Variants in ADAT1 observed in about 807,000 individuals in gnomAD.
The protein encoded by ADAT1 is adenosine deaminase tRNA specific 1.
Under a neutral mutation model 58.6 loss-of-function variants are expected in ADAT1, and 58 were observed. That is an observed-to-expected ratio of 0.99 (90% CI 0.80 to 1.23). The LOEUF (loss-of-function observed/expected upper bound fraction) is 1.23, where lower values mean the gene tolerates loss of function less well. Among genes scored for constraint, ADAT1 ranks in the 50% most tolerant of loss-of-function variants. ADAT1 has a pLI of 0.00. For missense variants in ADAT1, 741 were observed against 608.6 expected, an observed-to-expected ratio of 1.22 and a Z score of -2.29; for synonymous variants, 254 against 220.8, an observed-to-expected ratio of 1.15 and a Z score of -1.33.
At chr16:75,609,116 C>T in intron 6 of ADAT1, 128 bp from the exon 7 acceptor site, 5 of 1,097,500 alleles carry the variant, frequency 4.6e-6, no homozygotes, top group African/African-American at 1.6e-5. Context: ...TTTGGGCAGA[C>T]AGTGTTTCAG....
chr16:75,608,732 G>A, intron 7 of ADAT1, 111 bp downstream of exon 7: 1 of 1,340,266 alleles, frequency 7.5e-7, no homozygotes, highest in Non-Finnish European at 1.0e-6. Context: ...CACACTACCG[G>A]CCACTAGAGT....
At chr16:75,618,127 G>C (rs1047194789) in intron 4 of ADAT1, among the ~76,000 whole-genome samples, 9 of 128,370 alleles carry the variant, frequency 7.0e-5, no homozygotes, top group Non-Finnish European at 1.3e-4. Context: ...AAAAAAAAGA[G>C]AGAACCACTA....
At chr16:75,602,395 T>A (rs1013707557) in intron 9 of ADAT1, among the ~76,000 whole-genome samples, 11 of 152,232 alleles carry the variant, frequency 7.2e-5, no homozygotes. Flanking sequence ...AGTACTGATC[T>A]GTAGCCTTCA....
At position 75,623,059 on chromosome 16, in the gene ADAT1, G is replaced by C. The variant is rs2081981052; in HGVS notation, c.-678C>G. 1 of 126,878 alleles carries C rather than the reference G, an allele frequency of 7.9e-6. No individual in the cohort carries two copies. The highest frequency in any genetic ancestry group is 1.6e-5 in the Non-Finnish European group (1 of 64,012). The allele number at this position is 126,878 out of a possible 1,614,324, so 7.9% of individuals were successfully genotyped here. A position where few individuals can be genotyped will look rare whatever the true frequency, so the allele number is the denominator to read the frequency against. On this transcript the variant is annotated 5_prime_UTR_variant, in exon 1 of 10. Coordinates refer to ENST00000564657, the MANE Select transcript of ADAT1 (RefSeq NM_001324445.2). Reference sequence around the variant, plus strand: ...GCGGCTGCCAGGCCAGAGGCCCCGCGCCAGGAGCTCTTCAGGCGCCGGCTG... The same window carrying C: ...GCGGCTGCCAGGCCAGAGGCCCCGCCCCAGGAGCTCTTCAGGCGCCGGCTG...
chr16:75,621,590 C>T (rs967517774), intron 1 of ADAT1, among the ~76,000 whole-genome samples: 17 of 152,184 alleles, frequency 1.1e-4, no homozygotes, highest in African/African-American at 4.1e-4. Flanking sequence ...AAAGCAATTG[C>T]TACTATGTTG....
chr16:75,618,717 AGTC>A, intron 3 of ADAT1, 77 bp from the exon 4 acceptor site: 1 of 1,545,586 alleles, frequency 6.5e-7, no homozygotes, highest in Non-Finnish European at 8.8e-7. Flanking sequence ...AGAACACAGC[AGTC>A]CCACCAGCAC....
intron 6 of ADAT1, among the ~76,000 whole-genome samples, chr16:75,609,414 G>C (rs1413600486): frequency 2.0e-5 from 3 of 151,948 alleles, no homozygotes; most frequent in African/African-American, 4.8e-5. Flanking sequence ...ACATGATGCT[G>C]GTCTAGAATG....
At chr16:75,609,280 A>T (rs778517825) in intron 6 of ADAT1, among the ~76,000 whole-genome samples, 3 of 152,262 alleles carry the variant, frequency 2.0e-5, no homozygotes, top group South Asian at 4.1e-4. Flanking sequence ...AAGTTTAAGC[A>T]GAAACATTAA....
chr16:75,608,542 T>C, intron 7 of ADAT1: 1 of 581,228 alleles, frequency 1.7e-6, no homozygotes, highest in Non-Finnish European at 3.0e-6. Flanking sequence ...TGAGCATTTA[T>C]TATTTGCTGG....
chr16:75,623,011 G>T lies in ADAT1; in HGVS notation c.-630C>A, dbSNP rs1027141005. The T allele has an allele frequency of 3.3e-5, 5 of 152,146 alleles. No individual in the cohort carries two copies. The highest frequency in any genetic ancestry group is 2.6e-4 in the Admixed American group (4 of 15,278). 9.4% of individuals were successfully genotyped at this position (152,146 alleles called of 1,614,324 possible). A position where few individuals can be genotyped will look rare whatever the true frequency, so the allele number is the denominator to read the frequency against. ...TGAAGCCATGCAGTGAGAACAGCGT[G>T]AGCGCCTGATCCATTGGGTCCTGCG... On this transcript the variant is annotated 5_prime_UTR_variant, in exon 1 of 10. Transcript: ENST00000564657.
chr16:75,617,062 G>A, intron 5 of ADAT1, 80 bp downstream of exon 5: 2 of 1,508,128 alleles, frequency 1.3e-6, no homozygotes, highest in Non-Finnish European at 1.8e-6. Context: ...GTGCTTTTTA[G>A]GAAAAAACCT....
intron 5 of ADAT1, among the ~76,000 whole-genome samples, chr16:75,616,006 T>C (rs549521751): frequency 1.5e-4 from 22 of 146,158 alleles, no homozygotes; most frequent in Non-Finnish European, 2.0e-4. Flanking sequence ...TTCTCTCTCT[T>C]TTTTTTTTTT....
At position 75,620,786 on chromosome 16, in the gene ADAT1, T is replaced by A. The variant is rs764934035; in HGVS notation, c.14A>T (p.Asp5Val). 1 of 1,612,918 alleles carries A rather than the reference T, an allele frequency of 6.2e-7. No individual in the cohort carries two copies. Residue 5 changes from aspartate to valine, a missense_variant, in exon 2 of 10, where the codon GAT becomes GTT. By Grantham distance (152) the Asp-to-Val change is radical. Coordinates refer to ENST00000564657, the MANE Select transcript of ADAT1 (RefSeq NM_001324445.2). ...TTCATAGCATAGCTGAGCAATCTCA[T>A]CCGCGGTCCACATGGTCTGAGCTGG... is the stretch of plus-strand genomic sequence containing the variant. MWTA[D>V]EIAQLCYEHY...
intron 3 of ADAT1, 145 bp downstream of exon 3, chr16:75,620,121 A>T: frequency 1.4e-6 from 1 of 739,370 alleles, no homozygotes; most frequent in Non-Finnish European, 2.3e-6. Flanking sequence ...CCAAGTGAGT[A>T]CGGTCCTTCC....
Position 75,597,328 on chromosome 16 carries a change from G to A in ADAT1, c.*2888C>T. 2.2e-6 allele frequency: 1 copy of A among 445,318 alleles called. No individual in the cohort carries two copies. The highest frequency in any genetic ancestry group is 4.5e-6 in the Non-Finnish European group (1 of 222,324). 27.6% of individuals were successfully genotyped at this position (445,318 alleles called of 1,614,324 possible). A position where few individuals can be genotyped will look rare whatever the true frequency, so the allele number is the denominator to read the frequency against. The stretch of plus-strand genomic sequence containing the variant: ...ACACAGACACAGAAGGCCATGTGAA[G>A]ACGGAGGGAGAAACTGAAGTGATGC... On this transcript the variant is annotated 3_prime_UTR_variant, in exon 10 of 10. Coordinates refer to ENST00000564657, the MANE Select transcript of ADAT1 (RefSeq NM_001324445.2).
At chr16:75,604,186 T>C (rs1049710571) in intron 8 of ADAT1, among the ~76,000 whole-genome samples, 1 of 151,778 alleles carries the variant, frequency 6.6e-6, no homozygotes, top group African/African-American at 2.4e-5. Context: ...CCCAGCACTT[T>C]GGGAGGCTGA....
intron 9 of ADAT1, among the ~76,000 whole-genome samples, chr16:75,601,589 CCTA>C (rs2081232377): frequency 6.6e-6 from 1 of 150,790 alleles, no homozygotes; most frequent in South Asian, 2.1e-4. Flanking sequence ...AAACCCCGTC[CCTA>C]CTAACTATAC....
chr16:75,608,756 C>T, intron 7 of ADAT1, 87 bp downstream of exon 7: 1 of 1,511,488 alleles, frequency 6.6e-7, no homozygotes, highest in Non-Finnish European at 8.9e-7. Flanking sequence ...GAACTACCTT[C>T]CTAGGCTGGG....
chr16:75,612,624 T>G lies in ADAT1; in HGVS notation c.662A>C (p.Gln221Pro). The change falls in exon 6 of 10, where the codon CAG becomes CCG. Residue 221 changes from glutamine (Q) to proline (P), a missense_variant. Transcript: ENST00000564657. The part of the protein sequence containing the change: ...GAAHHQSFGK[Q>P]KSGPISPGIH... Reference sequence around the variant, plus strand: ...GCCTGGTGAGATTGGGCCACTTTTCTGCTTGCCAAAACTCTGATGGTGAGC... The same window carrying G: ...GCCTGGTGAGATTGGGCCACTTTTCGGCTTGCCAAAACTCTGATGGTGAGC... 6.2e-7 allele frequency: 1 copy of G among 1,614,130 alleles called. No individual in the cohort carries two copies. The highest frequency in any genetic ancestry group is 1.1e-5 in the South Asian group (1 of 91,078).
Sources: allele counts gnomAD v4.1 joint callset (sites outside exome capture counted in the v4.1 genomes callset), GRCh38; gene constraint gnomAD v4.1.1; transcripts MANE v1.5; gene names NCBI Gene and HGNC (gene_info 2026-07-23, HGNC 2026-07-21).